The following TNN variants were observed in gnomAD, a reference collection of about 807,000 sequenced individuals.
TNN encodes tenascin-N.
A neutral mutation model predicts 134.4 loss-of-function variants in TNN; 122 were observed. The ratio of observed to expected loss-of-function variants is 0.91; its 90% CI spans 0.78 to 1.06. The LOEUF (loss-of-function observed/expected upper bound fraction) is 1.06. Ranked by LOEUF, TNN falls within the 50% of genes least tolerant of loss-of-function variation. The probability of loss-of-function intolerance (pLI) is 0.00; values close to 1 mark genes in which losing one functional copy is unlikely to be tolerated. For synonymous variants in TNN, 710 were observed against 670.3 expected (o/e 1.06, Z -0.91); for missense variants, 1,739 against 1,699.4 (o/e 1.02, Z -0.41).
chr1:175,074,844 T>C (rs1005338807), intron 1 of TNN, among the ~76,000 whole-genome samples: 2 of 152,240 alleles, frequency 1.3e-5, no homozygotes, highest in Admixed American at 1.3e-4. Flanking sequence ...TCATTTGTCA[T>C]TTGTATCAGA....
Position 175,118,809 on chromosome 1 carries a change from A to T in TNN, c.2635A>T (p.Thr879Ser), listed in dbSNP as rs1287483675. 1 of 1,614,228 alleles carries T rather than the reference A, an allele frequency of 6.2e-7. No homozygotes were observed. Among genetic ancestry groups the T allele is most frequent in the Admixed American group, 1.7e-5 (1 of 60,030 alleles). ...GAACCAGGAGAGCAAGAAGGCTGAC[A>T]CCAAGGCCCAGACAGGTAATAGAAG... is the stretch of plus-strand genomic sequence containing the variant. ...KGNQESKKADTKAQTEIDGPK... is the reference protein window; with the variant it reads ...KGNQESKKADSKAQTEIDGPK... The change falls in exon 11 of 19, where the codon ACC becomes TCC. Residue 879 changes from threonine (T) to serine (S), a missense_variant. Physicochemically the swap from Thr to Ser is moderately conservative, Grantham distance 58 (BLOSUM62 1). Coordinates refer to ENST00000239462, the MANE Select transcript of TNN (RefSeq NM_022093.2).
intron 9 of TNN, among the ~76,000 whole-genome samples, chr1:175,105,695 G>GA (rs1237158539): frequency 1.4e-5 from 2 of 145,476 alleles, no homozygotes; most frequent in African/African-American, 5.0e-5. Flanking sequence ...CGTAGTGCAG[G>GA]AAAAAATGAG....
chr1:175,113,080 T>G (rs1574161522), intron 9 of TNN, among the ~76,000 whole-genome samples: 3 of 152,312 alleles, frequency 2.0e-5, no homozygotes, highest in South Asian at 2.1e-4. Flanking sequence ...TTATTGTGAT[T>G]TGGTAGGTTT....
chr1:175,083,910 C>T lies in TNN; in HGVS notation c.1209C>T (p.Asp403=). The T allele has an allele frequency of 6.2e-7, 1 of 1,614,008 alleles. No individual in the cohort carries two copies. Among genetic ancestry groups the T allele is most frequent in the East Asian group, 2.2e-5 (1 of 44,864 alleles). Residue 403 remains aspartate (D), a synonymous_variant, in exon 5 of 19, where the codon GAC becomes GAT. Transcript: ENST00000239462. ...AGGTCACTGTGCCCAAGAGCAGTGACCCCAAGAGCCGATATGACATCACTG... is the reference window on the plus strand; with the variant it reads ...AGGTCACTGTGCCCAAGAGCAGTGATCCCAAGAGCCGATATGACATCACTG... ...VAEVTVPKSS[D]PKSRYDITGL... is the part of the protein sequence containing the mutation.
chr1:175,111,056 G>A (rs1409309493), intron 9 of TNN, among the ~76,000 whole-genome samples: 10 of 151,922 alleles, frequency 6.6e-5, no homozygotes, highest in African/African-American at 1.9e-4. Context: ...GGTAGCTCAC[G>A]CCTGTAATCC....
chr1:175,079,294 C>T (rs1183156431), intron 2 of TNN, 39 bp from the exon 3 acceptor site: 3 of 1,543,866 alleles, frequency 1.9e-6, no homozygotes, highest in Non-Finnish European at 2.6e-6. Flanking sequence ...CCACGCACAA[C>T]CCTTCAACCC....
At chr1:175,119,629 C>CTTTTTTTTTTTT (rs757564360) in intron 11 of TNN, among the ~76,000 whole-genome samples, 3 of 133,498 alleles carry the variant, frequency 2.2e-5, no homozygotes, top group African/African-American at 3.1e-5. Flanking sequence ...CCATGAATGC[C>CTTTTTTTTTTTT]TTTTTTTTCT....
chr1:175,109,072 A>ATTTTTTTT (rs1160268455), intron 9 of TNN, among the ~76,000 whole-genome samples: 1,249 of 61,842 alleles, frequency 0.02, 300 homozygotes, highest in African/African-American at 0.078. Context: ...ATCTAACTGT[A>ATTTTTTTT]TTTTTTTTTT....
intron 17 of TNN, among the ~76,000 whole-genome samples, chr1:175,143,708 C>CTGT (rs1675991378): frequency 6.6e-6 from 1 of 152,172 alleles, no homozygotes; most frequent in South Asian, 2.1e-4. Flanking sequence ...GGATGCAAGA[C>CTGT]TGTGCATAGG....
intron 3 of TNN, 117 bp from the exon 4 acceptor site, chr1:175,080,046 C>A: frequency 2.9e-6 from 4 of 1,381,730 alleles, no homozygotes; most frequent in Non-Finnish European, 3.9e-6. Flanking sequence ...TCGGGAATGG[C>A]GCCTTACACA....
At position 175,097,616 on chromosome 1, in the gene TNN, C is replaced by G. The variant is rs990736626; in HGVS notation, c.1788C>G (p.Tyr596Ter). The change falls in exon 8 of 19, where the codon TAC becomes TAG. Residue 596 changes from tyrosine (Y) to a stop codon, truncating the protein, a stop_gained. Coordinates refer to ENST00000239462, the MANE Select transcript of TNN (RefSeq NM_022093.2). LOFTEE classifies it high-confidence loss of function. ...CAGGCCTGAGGCCAGGTGTGGAGTA[C>G]ACAGTGCATGTCTGGGCCCAGAAGG... ...VLTGLRPGVE[Y>*]TVHVWAQKGD... 2 of 1,614,180 alleles carry G rather than the reference C, an allele frequency of 1.2e-6. No individual in the cohort carries two copies. Among genetic ancestry groups the G allele is most frequent in the Non-Finnish European group, 1.7e-6 (2 of 1,180,046 alleles).
intron 4 of TNN, among the ~76,000 whole-genome samples, chr1:175,083,337 G>C (rs1027442442): frequency 2.0e-5 from 3 of 152,230 alleles, no homozygotes; most frequent in Non-Finnish European, 4.4e-5. Flanking sequence ...TGCCTGAGCT[G>C]CTTATCCTGA....
At chr1:175,101,376 C>A (rs1033153124) in intron 9 of TNN, among the ~76,000 whole-genome samples, 2 of 146,418 alleles carry the variant, frequency 1.4e-5, no homozygotes, top group Admixed American at 6.9e-5. Flanking sequence ...TGCAGATCTT[C>A]GCGGTGTTAC....
In TNN at chr1:175,105,302, C is replaced by T. The variant is rs1288317600; in HGVS notation, c.2119+6707C>T. The stretch of plus-strand genomic sequence containing the variant: ...AGAGAGGGAGAAGGGGACATGCACC[C>T]GGGTTGGGCCAAATTCCCCTCCCCC... On this transcript the variant is annotated intron_variant, in intron 9 of 18. Coordinates refer to ENST00000239462, the MANE Select transcript of TNN (RefSeq NM_022093.2). Among the ~76,000 whole-genome samples, 3 of 145,498 alleles carry T rather than the reference C, an allele frequency of 2.1e-5. 1 individual carries two copies. Among genetic ancestry groups the T allele is most frequent in the Admixed American group, 1.4e-4 (2 of 14,486 alleles).
chr1:175,130,423 T>G (rs1675648340), intron 15 of TNN, among the ~76,000 whole-genome samples: 4 of 152,206 alleles, frequency 2.6e-5, no homozygotes, highest in Non-Finnish European at 5.9e-5. Context: ...GAATGTAACA[T>G]GGGAGGTCTT....
At chr1:175,104,081 A>C (rs1425380025) in intron 9 of TNN, among the ~76,000 whole-genome samples, 2 of 146,090 alleles carry the variant, frequency 1.4e-5, no homozygotes, top group Non-Finnish European at 3.0e-5. Context: ...ACTTTCAGAC[A>C]TAACAAGAAA....
At chr1:175,123,373 C>T in intron 11 of TNN, 27 bp from the exon 12 acceptor site, 3 of 1,611,852 alleles carry the variant, frequency 1.9e-6, no homozygotes, top group Non-Finnish European at 2.5e-6. Context: ...TTCTAAAGTT[C>T]AGCCTTTTCT....
Position 175,107,113 on chromosome 1 carries a change from G to A in TNN, c.2119+8518G>A, listed in dbSNP as rs551206238. Among the ~76,000 whole-genome samples, 19 of 144,970 alleles carry A rather than the reference G, an allele frequency of 1.3e-4. 1 individual carries two copies. The highest frequency in any genetic ancestry group is 9.7e-4 in the Admixed American group (14 of 14,490). ...CCTTCGTGGTCGCCAAAATGTGTCC[G>A]GAATTGGTGGGTTCTTGGTCTCACT... On this transcript the variant is annotated intron_variant, in intron 9 of 18. Coordinates refer to ENST00000239462, the MANE Select transcript of TNN (RefSeq NM_022093.2).
chr1:175,111,089 A>G (rs7538714), intron 9 of TNN, among the ~76,000 whole-genome samples: 79,682 of 151,810 alleles, frequency 0.52, 24,065 homozygotes, highest in African/African-American at 0.83. Flanking sequence ...AGGCCAAGGC[A>G]GGTGGATCAC....
Sources: allele counts gnomAD v4.1 joint callset (sites outside exome capture counted in the v4.1 genomes callset), GRCh38; gene constraint gnomAD v4.1.1; transcripts MANE v1.5; gene names NCBI Gene and HGNC (gene_info 2026-07-23, HGNC 2026-07-21).